PLA2R1: variants seen among roughly 807,000 people sequenced by gnomAD.
The protein encoded by PLA2R1 is secretory phospholipase A2 receptor.
Under a neutral mutation model 195.9 loss-of-function variants are expected in PLA2R1, and 158 were observed. The observed-to-expected ratio is 0.81, with a 90% confidence interval of 0.71 to 0.92. The LOEUF is 0.92. PLA2R1 is among the 40% of genes least tolerant of loss of function. The probability of loss-of-function intolerance (pLI) is 0.00; values close to 1 mark genes in which losing one functional copy is unlikely to be tolerated. For missense variants in PLA2R1, 1,626 were observed against 1,764.6 expected, an observed-to-expected ratio of 0.92 and a Z score of 1.41; for synonymous variants, 586 against 598.2, an observed-to-expected ratio of 0.98 and a Z score of 0.30.
chr2:159,945,401 A>T (rs1347501985), intron 27 of PLA2R1, among the ~76,000 whole-genome samples: 1 of 123,978 alleles, frequency 8.1e-6, no homozygotes, highest in Non-Finnish European at 1.6e-5. Context: ...TCCTGTGTCC[A>T]TGTGTTCTCA....
At chr2:159,952,622 T>G (rs1020857511) in intron 23 of PLA2R1, among the ~76,000 whole-genome samples, 5 of 152,176 alleles carry the variant, frequency 3.3e-5, no homozygotes, top group Non-Finnish European at 7.3e-5. Flanking sequence ...GGCTAAGAGC[T>G]CTTGGGCAAA....
At chr2:160,002,218 A>G (rs913350655) in intron 11 of PLA2R1, among the ~76,000 whole-genome samples, 17 of 151,952 alleles carry the variant, frequency 1.1e-4, no homozygotes, top group African/African-American at 3.9e-4. Context: ...TTGAAATCAT[A>G]TTCATATTGG....
At chr2:160,060,497 C>T (rs535039708) in intron 1 of PLA2R1, among the ~76,000 whole-genome samples, 225 of 152,288 alleles carry the variant, frequency 1.5e-3, no homozygotes, top group Non-Finnish European at 2.8e-3. Flanking sequence ...TGTGCCTGTG[C>T]GAGGAATGGT....
At chr2:159,962,040 TAATTA>T (rs1392438283) in intron 20 of PLA2R1, among the ~76,000 whole-genome samples, 2 of 152,196 alleles carry the variant, frequency 1.3e-5, no homozygotes, top group African/African-American at 4.8e-5. Context: ...AAATGGGATC[TAATTA>T]AATTAAAGAG....
In PLA2R1 at chr2:159,951,308, C is replaced by T. The variant is rs778378483; in HGVS notation, c.3540+32G>A. 7 of 1,220,162 alleles carry T rather than the reference C, an allele frequency of 5.7e-6. No individual in the cohort carries two copies. The East Asian group carries it at 1.4e-4, about 24-fold the overall frequency. 75.6% of individuals were successfully genotyped at this position (1,220,162 alleles called of 1,614,324 possible). On this transcript the variant is annotated intron_variant, in intron 24 of 29. Coordinates refer to ENST00000283243, the MANE Select transcript of PLA2R1 (RefSeq NM_007366.5). ...GAGGTAGATGCTAAACTTAATTATT[C>T]AAGGATGTCTCAAGGGAGTTAGGAT... is the stretch of plus-strand genomic sequence containing the variant.
chr2:160,056,279 T>A (rs1695536130), intron 1 of PLA2R1, among the ~76,000 whole-genome samples: 1 of 152,234 alleles, frequency 6.6e-6, no homozygotes, highest in Non-Finnish European at 1.5e-5. Context: ...TATACATATG[T>A]AGACCTATAT....
Position 160,045,167 on chromosome 2 carries a change from A to C in PLA2R1, c.110-10T>G. 2 of 1,580,020 alleles carry C rather than the reference A, an allele frequency of 1.3e-6. No homozygotes were observed. The highest frequency in any genetic ancestry group is 1.7e-6 in the Non-Finnish European group (2 of 1,158,006). ...ACAAATATTCCTTTATCTGAAACAA[A>C]AATCAAAGATGTGGCATGAAATTTT... On this transcript the variant is annotated splice_polypyrimidine_tract_variant and intron_variant, in intron 1 of 29. Transcript: ENST00000283243.
At chr2:159,969,021 T>A (rs1688966973) in intron 19 of PLA2R1, among the ~76,000 whole-genome samples, 2 of 152,210 alleles carry the variant, frequency 1.3e-5, no homozygotes, top group Non-Finnish European at 2.9e-5. Flanking sequence ...TGGTGCTGTC[T>A]TGATTTATGA....
At chr2:160,010,008 G>T (rs889739269) in intron 10 of PLA2R1, among the ~76,000 whole-genome samples, 1 of 152,142 alleles carries the variant, frequency 6.6e-6, no homozygotes, top group East Asian at 1.9e-4. Flanking sequence ...TACTTGGGGG[G>T]CTGAGGCAGG....
rs1397466458 is a variant in PLA2R1, at chr2:159,946,232, C to G, written c.3967+569G>C. On this transcript the variant is annotated intron_variant, in intron 27 of 29. Coordinates refer to ENST00000283243, the MANE Select transcript of PLA2R1 (RefSeq NM_007366.5). ...CAATGTTGGTGATTAAAATACTCCTCCTCGAAAGGGTAGGCTCACCCCCAA... is the reference window on the plus strand; with the variant it reads ...CAATGTTGGTGATTAAAATACTCCTGCTCGAAAGGGTAGGCTCACCCCCAA... 3.1e-6 allele frequency: 3 copies of G among 977,372 alleles called. No individual in the cohort carries two copies. In the Admixed American group the frequency reaches 1.8e-4, roughly 60 times the overall value. The allele number at this position is 977,372 out of a possible 1,614,324, so 60.5% of individuals were successfully genotyped here.
rs1332500120 is a variant in PLA2R1, at chr2:159,936,845, A to C, written c.*4933T>G. ...CATAGCAGGCTTCGCATGATCAATA[A>C]ATTAACTTCTGAGTTTTGTTTTTAA... On this transcript the variant is annotated 3_prime_UTR_variant, in exon 30 of 30. Transcript: ENST00000283243. 1 of 152,224 alleles carries C rather than the reference A, an allele frequency of 6.6e-6. No homozygotes were observed. Among genetic ancestry groups the C allele is most frequent in the Admixed American group, 6.5e-5 (1 of 15,284 alleles). 9.4% of individuals were successfully genotyped at this position (152,224 alleles called of 1,614,324 possible).
intron 3 of PLA2R1, among the ~76,000 whole-genome samples, chr2:160,035,527 C>A (rs1049322523): frequency 1.3e-5 from 2 of 152,176 alleles, no homozygotes; most frequent in African/African-American, 4.8e-5. Flanking sequence ...TTGAAAAATT[C>A]TAATCTAAGG....
At chr2:160,023,862 C>T (rs76789272) in intron 6 of PLA2R1, among the ~76,000 whole-genome samples, 10,009 of 151,846 alleles carry the variant, frequency 0.066, 454 homozygotes, top group Non-Finnish European at 0.1. Context: ...AGAAACAACA[C>T]GGAGCACAGA....
At chr2:159,956,467 T>C in intron 21 of PLA2R1, 43 bp downstream of exon 21, 1 of 988,820 alleles carries the variant, frequency 1.0e-6, no homozygotes, top group Non-Finnish European at 1.6e-6. Context: ...AATACTTGAA[T>C]AAAAATGGTT....
downstream of PLA2R1, among the ~76,000 whole-genome samples, chr2:159,927,089 G>A (rs1479651153): frequency 6.6e-6 from 1 of 152,202 alleles, no homozygotes; most frequent in African/African-American, 2.4e-5. Context: ...GCAGGGTAAA[G>A]AAGGGTGGAG....
At chr2:159,947,953 T>C (rs1199246665) in intron 25 of PLA2R1, among the ~76,000 whole-genome samples, 1 of 152,228 alleles carries the variant, frequency 6.6e-6, no homozygotes. Context: ...TTTCATGCAG[T>C]GCTGTGTATC....
chr2:160,024,282 C>T (rs189812553), intron 6 of PLA2R1, among the ~76,000 whole-genome samples: 201 of 152,290 alleles, frequency 1.3e-3, no homozygotes, highest in Non-Finnish European at 2.1e-3. Context: ...GGCCCACCAT[C>T]CCCATGCCAA....
intron 27 of PLA2R1, 141 bp downstream of exon 27, chr2:159,946,656 TTTTG>T: frequency 7.1e-7 from 1 of 1,404,018 alleles, no homozygotes; most frequent in Non-Finnish European, 9.3e-7. Flanking sequence ...GCAATGTTGT[TTTTG>T]GAAGAAATGG....
chr2:159,969,780 C>T (rs989997352), intron 18 of PLA2R1, among the ~76,000 whole-genome samples: 1 of 152,018 alleles, frequency 6.6e-6, no homozygotes, highest in Non-Finnish European at 1.5e-5. Flanking sequence ...TGACCTCAGG[C>T]GATCCGCCCT....
Sources: gnomAD v4.1 joint callset for allele counts (sites outside exome capture counted in the v4.1 genomes callset) on GRCh38, gnomAD v4.1.1 for gene constraint, MANE v1.5 for transcripts, NCBI Gene and HGNC (gene_info 2026-07-23, HGNC 2026-07-21) for gene names.